Variants in LRMDA observed in about 807,000 individuals in gnomAD.
LRMDA encodes the protein leucine rich melanocyte differentiation associated, also known as leucine-rich melanocyte differentiation-associated protein.
In LRMDA, 18 loss-of-function variants were observed where a neutral mutation model predicts 29.8. The ratio of observed to expected loss-of-function variants is 0.60; its 90% CI spans 0.42 to 0.90. The LOEUF is 0.90. LRMDA is among the 40% of genes least tolerant of loss of function. The pLI is 0.00. For synonymous variants in LRMDA, 125 were observed against 109.4 expected, an observed-to-expected ratio of 1.14 and a Z score of -0.89; for missense variants, 273 against 273.9, an observed-to-expected ratio of 1.00 and a Z score of 0.02.
intron 2 of LRMDA, among the ~76,000 whole-genome samples, chr10:75,814,308 G>C (rs914053785): frequency 6.6e-6 from 1 of 152,170 alleles, no homozygotes; most frequent in Non-Finnish European, 1.5e-5. Flanking sequence ...TGTCATTTTG[G>C]AGGAGATGAG....
intron 5 of LRMDA, among the ~76,000 whole-genome samples, chr10:76,257,397 GATCT>G (rs1328954722): frequency 6.7e-6 from 1 of 148,218 alleles, no homozygotes; most frequent in African/African-American, 2.5e-5. Context: ...GCAATGGCAT[GATCT>G]CAGCTCACTG....
chr10:76,439,325 C>G (rs1177899167), intron 6 of LRMDA, among the ~76,000 whole-genome samples: 1 of 152,128 alleles, frequency 6.6e-6, no homozygotes, highest in African/African-American at 2.4e-5. Context: ...ATTTAAATGT[C>G]TACCATCAGC....
chr10:76,512,086 G>A lies in LRMDA; in HGVS notation c.602-45123G>A, dbSNP rs535527946. 3.3e-5 allele frequency among the ~76,000 whole-genome samples: 5 copies of A among 152,206 alleles called. No homozygotes were observed. In the South Asian group the frequency reaches 8.3e-4, roughly 25 times the overall value. On this transcript the variant is annotated intron_variant, in intron 6 of 6. Transcript: ENST00000611255. ...GGATAGTTTCGCCCATACTGTTCTCGTGGTAGTGAATAAGTCTCACGAGAT... is the reference window on the plus strand; with the variant it reads ...GGATAGTTTCGCCCATACTGTTCTCATGGTAGTGAATAAGTCTCACGAGAT...
intron 2 of LRMDA, among the ~76,000 whole-genome samples, chr10:75,965,865 C>T (rs1243733318): frequency 6.6e-6 from 1 of 152,168 alleles, no homozygotes; most frequent in African/African-American, 2.4e-5. Flanking sequence ...ATCCCTGGCT[C>T]CTTGACACTG....
At chr10:76,140,547 C>T (rs1407709282) in intron 5 of LRMDA, among the ~76,000 whole-genome samples, 2 of 152,078 alleles carry the variant, frequency 1.3e-5, no homozygotes, top group Non-Finnish European at 2.9e-5. Flanking sequence ...TGAGTTATCA[C>T]TGGAGCTCAG....
chr10:75,650,796 C>T (rs1166732225), intron 2 of LRMDA, among the ~76,000 whole-genome samples: 3 of 152,162 alleles, frequency 2.0e-5, no homozygotes, highest in Non-Finnish European at 4.4e-5. Flanking sequence ...CCTCAGATGA[C>T]CCTTCTTCCT....
At chr10:75,498,586 G>A (rs1205763891) in intron 2 of LRMDA, among the ~76,000 whole-genome samples, 1 of 152,220 alleles carries the variant, frequency 6.6e-6, no homozygotes, top group Non-Finnish European at 1.5e-5. Context: ...GAGACTTGGG[G>A]AAACTGGATG....
Position 76,557,565 on chromosome 10 carries a change from A to G in LRMDA, c.*277A>G, listed in dbSNP as rs941547690. The G allele has an allele frequency of 2.0e-6, 1 of 497,270 alleles. No homozygotes were observed. The highest frequency in any genetic ancestry group is 3.6e-6 in the Non-Finnish European group (1 of 276,082). The allele number at this position is 497,270 out of a possible 1,614,324, so 30.8% of individuals were successfully genotyped here. On this transcript the variant is annotated 3_prime_UTR_variant, in exon 7 of 7. Transcript: ENST00000611255. ...CAGCGGTGGCAAAGCAACAGGGCTG[A>G]CAGCATGAACACCATGATAGATTGC... is the stretch of plus-strand genomic sequence containing the variant.
intron 5 of LRMDA, among the ~76,000 whole-genome samples, chr10:76,131,049 C>T (rs886927794): frequency 3.3e-5 from 5 of 152,230 alleles, no homozygotes; most frequent in East Asian, 1.9e-4. Context: ...CGGAAAGCAG[C>T]GAGGGCCACC....
At chr10:75,899,986 G>A (rs1400691193) in intron 2 of LRMDA, among the ~76,000 whole-genome samples, 2 of 152,228 alleles carry the variant, frequency 1.3e-5, no homozygotes. Context: ...TAGTTCTCCA[G>A]CTTTGATGTG....
intron 2 of LRMDA, among the ~76,000 whole-genome samples, chr10:75,569,891 T>C (rs750718973): frequency 7.9e-5 from 12 of 152,228 alleles, no homozygotes; most frequent in Non-Finnish European, 1.5e-4. Context: ...AGTTCACATA[T>C]ATGGAGGCAG....
intron 5 of LRMDA, among the ~76,000 whole-genome samples, chr10:76,242,659 C>G (rs1852298196): frequency 6.6e-6 from 1 of 152,190 alleles, no homozygotes; most frequent in Admixed American, 6.5e-5. Context: ...GCCAACCCTA[C>G]TCCAGCATGA....
chr10:75,677,663 G>A (rs1347484907), intron 2 of LRMDA, among the ~76,000 whole-genome samples: 1 of 152,060 alleles, frequency 6.6e-6, no homozygotes, highest in Non-Finnish European at 1.5e-5. Context: ...CTTGTTTTCT[G>A]TTTTGTCCTT....
chr10:76,476,346 C>T (rs539442687), intron 6 of LRMDA, among the ~76,000 whole-genome samples: 4 of 152,040 alleles, frequency 2.6e-5, no homozygotes, highest in Non-Finnish European at 4.4e-5. Context: ...CAAGACTAAA[C>T]CAGGAAGAAG....
intron 6 of LRMDA, among the ~76,000 whole-genome samples, chr10:76,461,012 G>A (rs908969870): frequency 4.6e-5 from 7 of 152,170 alleles, no homozygotes; most frequent in South Asian, 2.1e-4. Flanking sequence ...AATAAAATAC[G>A]TATAAGAACA....
chr10:76,512,474 G>A (rs541878724), intron 6 of LRMDA, among the ~76,000 whole-genome samples: 2 of 152,216 alleles, frequency 1.3e-5, no homozygotes, highest in African/African-American at 4.8e-5. Context: ...ATTTCAATGG[G>A]AAAAGAACAA....
intron 4 of LRMDA, among the ~76,000 whole-genome samples, chr10:76,049,809 G>A (rs1848499806): frequency 6.6e-6 from 1 of 152,066 alleles, no homozygotes; most frequent in Non-Finnish European, 1.5e-5. Flanking sequence ...CACGAGGTTT[G>A]CCTTCCTTCT....
intron 2 of LRMDA, among the ~76,000 whole-genome samples, chr10:75,662,807 G>T (rs577559603): frequency 6.6e-6 from 1 of 152,284 alleles, no homozygotes; most frequent in East Asian, 1.9e-4. Flanking sequence ...GTATGCACAT[G>T]TTTTTGGCAG....
In LRMDA at chr10:76,496,084, T is replaced by C. The variant is rs1490081097; in HGVS notation, c.602-61125T>C. ...AATCTACAGCTAATTTTGCCCCCACTATATAGAGCCAATGCCTTTCTGGGT... is the reference window on the plus strand; with the variant it reads ...AATCTACAGCTAATTTTGCCCCCACCATATAGAGCCAATGCCTTTCTGGGT... On this transcript the variant is annotated intron_variant, in intron 6 of 6. Transcript: ENST00000611255. Among the ~76,000 whole-genome samples the C allele has an allele frequency of 5.3e-5, 4 of 75,124 alleles. 2 individuals carry two copies. The highest frequency in any genetic ancestry group is 1.8e-4 in the Non-Finnish European group (4 of 22,716). 49.3% of individuals were successfully genotyped at this position (75,124 alleles called of 152,430 possible).
Sources: gnomAD v4.1 joint callset for allele counts (sites outside exome capture counted in the v4.1 genomes callset) on GRCh38, gnomAD v4.1.1 for gene constraint, MANE v1.5 for transcripts, NCBI Gene and HGNC (gene_info 2026-07-23, HGNC 2026-07-21) for gene names.